Variants in SNX18 observed in about 807,000 individuals in gnomAD.
The protein encoded by SNX18 is sorting nexin 18, also known as sorting nexin-18.
In SNX18, 35 loss-of-function variants were observed where a neutral mutation model predicts 48.7. That is an observed-to-expected ratio of 0.72 (90% CI 0.55 to 0.95). The LOEUF is 0.95. Among genes scored for constraint, SNX18 ranks in the 40% least tolerant of loss-of-function variants. The probability of loss-of-function intolerance (pLI) is 0.00; values close to 1 mark genes in which losing one functional copy is unlikely to be tolerated. For missense variants in SNX18, 824 were observed against 871.0 expected (o/e 0.95, Z 0.68); for synonymous variants, 492 against 384.7 (o/e 1.28, Z -3.26).
chr5:54,572,746 G>A, the SNX18 span, among the ~76,000 whole-genome samples: 77 of 42,450 alleles, frequency 1.8e-3, 1 homozygote, highest in African/African-American at 6.3e-3. Context: ...GTGTGTGTGT[G>A]TGTGTGTGTA....
chr5:54,520,460 G>A (rs1724126040), intron 1 of SNX18: 1 of 166,822 alleles, frequency 6.0e-6, no homozygotes, highest in African/African-American at 2.4e-5. Flanking sequence ...GGGGAGGTGT[G>A]GGAGTTAGGG....
the SNX18 span, among the ~76,000 whole-genome samples, chr5:54,581,098 G>A: frequency 1.3e-5 from 2 of 152,142 alleles, no homozygotes; most frequent in African/African-American, 4.8e-5. Flanking sequence ...CAGTTAAAGA[G>A]CCCTCCCTGT....
intron 1 of SNX18, among the ~76,000 whole-genome samples, chr5:54,541,717 A>G (rs1762474086): frequency 6.6e-6 from 1 of 152,210 alleles, no homozygotes; most frequent in South Asian, 2.1e-4. Context: ...CAATGAAAAT[A>G]AATGTGTACA....
At chr5:54,616,007 T>TA in the SNX18 span, among the ~76,000 whole-genome samples, 1 of 152,206 alleles carries the variant, frequency 6.6e-6, no homozygotes, top group African/African-American at 2.4e-5. Flanking sequence ...GGCCTAGCCA[T>TA]AAACTGTGGG....
At chr5:54,608,622 T>C in the SNX18 span, among the ~76,000 whole-genome samples, 1 of 152,178 alleles carries the variant, frequency 6.6e-6, no homozygotes, top group Non-Finnish European at 1.5e-5. Context: ...GCTGTTTAAA[T>C]AGTGTTATGA....
the SNX18 span, among the ~76,000 whole-genome samples, chr5:54,590,043 G>T: frequency 1.3e-5 from 2 of 152,142 alleles, no homozygotes; most frequent in Admixed American, 1.3e-4. Context: ...CTCCTGTCTG[G>T]ACCTCCCACA....
the SNX18 span, among the ~76,000 whole-genome samples, chr5:54,553,847 G>A: frequency 1.3e-5 from 2 of 152,192 alleles, no homozygotes; most frequent in African/African-American, 2.4e-5. Flanking sequence ...CCAACGTGGG[G>A]GTTGAGGCCC....
the SNX18 span, among the ~76,000 whole-genome samples, chr5:54,596,393 A>G: frequency 3.9e-3 from 599 of 152,292 alleles, 3 homozygotes; most frequent in African/African-American, 0.014. Context: ...GGGGCCTAGG[A>G]GAGGCTGAGG....
chr5:54,611,151 CTG>C, the SNX18 span, among the ~76,000 whole-genome samples: 1 of 152,308 alleles, frequency 6.6e-6, no homozygotes, highest in East Asian at 1.9e-4. Context: ...GCTGAGGAGT[CTG>C]TCAGTCTCAG....
At chr5:54,524,641 C>T (rs941835095) in intron 1 of SNX18, among the ~76,000 whole-genome samples, 1 of 152,114 alleles carries the variant, frequency 6.6e-6, no homozygotes, top group Non-Finnish European at 1.5e-5. Context: ...TTTAATTTGC[C>T]ATATATTTTT....
chr5:54,553,466 C>T, the SNX18 span, among the ~76,000 whole-genome samples: 13 of 152,148 alleles, frequency 8.5e-5, no homozygotes, highest in African/African-American at 2.4e-4. Flanking sequence ...GTATTCTGTG[C>T]GTCCACAGCA....
At chr5:54,591,886 T>A in the SNX18 span, among the ~76,000 whole-genome samples, 29 of 152,198 alleles carry the variant, frequency 1.9e-4, no homozygotes, top group Non-Finnish European at 2.8e-4. Context: ...AAGAAATAAA[T>A]ATTTGTTGTT....
chr5:54,596,178 C>CA, the SNX18 span, among the ~76,000 whole-genome samples: 1 of 152,242 alleles, frequency 6.6e-6, no homozygotes. Flanking sequence ...TTTTAAAATG[C>CA]AAATATCTGT....
intron 1 of SNX18, among the ~76,000 whole-genome samples, chr5:54,523,277 TTTA>T (rs1172592734): frequency 6.6e-6 from 1 of 152,220 alleles, no homozygotes; most frequent in Non-Finnish European, 1.5e-5. Flanking sequence ...AGGAATATAT[TTTA>T]TTATTAGTTT....
the SNX18 span, among the ~76,000 whole-genome samples, chr5:54,575,618 C>T: frequency 1.3e-5 from 2 of 152,182 alleles, no homozygotes; most frequent in African/African-American, 4.8e-5. Flanking sequence ...CCCGCCTCGG[C>T]CTCCCAAAGT....
the SNX18 span, among the ~76,000 whole-genome samples, chr5:54,583,743 A>C: frequency 6.6e-6 from 1 of 152,244 alleles, no homozygotes; most frequent in Admixed American, 6.5e-5. Context: ...TAAGTAATGT[A>C]ATTTTCCCAG....
chr5:54,551,266 G>A (rs940994399), downstream of SNX18, among the ~76,000 whole-genome samples: 4 of 152,114 alleles, frequency 2.6e-5, no homozygotes, highest in Non-Finnish European at 5.9e-5. Flanking sequence ...ATTGGGAAGC[G>A]GACTGCTAAG....
chr5:54,632,503 C>T, the SNX18 span, among the ~76,000 whole-genome samples: 2 of 152,182 alleles, frequency 1.3e-5, no homozygotes, highest in African/African-American at 4.8e-5. Context: ...ACACCCCCAG[C>T]CCAGCACACA....
intron 1 of SNX18, among the ~76,000 whole-genome samples, chr5:54,532,904 A>AAAAG (rs1762277736): frequency 1.3e-5 from 2 of 152,236 alleles, no homozygotes; most frequent in Non-Finnish European, 2.9e-5. Context: ...TAAGGTATTT[A>AAAAG]TACGCAAGTG....
Sources: allele counts gnomAD v4.1 joint callset (sites outside exome capture counted in the v4.1 genomes callset), GRCh38; gene constraint gnomAD v4.1.1; transcripts MANE v1.5; gene names NCBI Gene and HGNC (gene_info 2026-07-23, HGNC 2026-07-21).